The following NLRC5 variants were observed in gnomAD, a reference collection of about 807,000 sequenced individuals.
NLRC5 encodes the protein NLR family CARD domain containing 5.
NLRC5 carries 114 observed loss-of-function variants against 206.9 expected under a neutral mutation model. The ratio of observed to expected loss-of-function variants is 0.55; its 90% CI spans 0.47 to 0.64. The LOEUF (loss-of-function observed/expected upper bound fraction) is 0.64, where lower values mean the gene tolerates loss of function less well. NLRC5 is among the 30% of genes least tolerant of loss of function. NLRC5 has a pLI of 0.00. For synonymous variants in NLRC5, 952 were observed against 962.8 expected, an observed-to-expected ratio of 0.99 and a Z score of 0.21; for missense variants, 2,008 against 2,305.5, an observed-to-expected ratio of 0.87 and a Z score of 2.64.
chr16:57,066,133 T>C (rs1056338317), intron 33 of NLRC5, among the ~76,000 whole-genome samples: 59 of 152,196 alleles, frequency 3.9e-4, no homozygotes, highest in African/African-American at 1.3e-3. Flanking sequence ...TATCAACTTA[T>C]TAACTTTAAA....
At chr16:57,023,629 A>G (rs1311877506) in intron 4 of NLRC5, among the ~76,000 whole-genome samples, 156 bp from the exon 5 acceptor site, 3 of 152,210 alleles carry the variant, frequency 2.0e-5, no homozygotes, top group African/African-American at 7.2e-5. Context: ...GTGTTGACCC[A>G]GCCTCTGCCT....
intron 12 of NLRC5, 131 bp from the exon 13 acceptor site, chr16:57,034,037 C>A: frequency 1.5e-6 from 1 of 672,760 alleles, no homozygotes. Flanking sequence ...GATCACCCAG[C>A]TACTAAGAGG....
chr16:57,072,182 GTC>G (rs2067873116), intron 38 of NLRC5, among the ~76,000 whole-genome samples: 1 of 152,062 alleles, frequency 6.6e-6, no homozygotes, highest in African/African-American at 2.4e-5. Context: ...CTCTTTCTCT[GTC>G]CACCTTGGCT....
At position 57,025,500 on chromosome 16, in the gene NLRC5, C is replaced by T; in HGVS notation, c.557C>T (p.Ala186Val). The T allele has an allele frequency of 6.2e-7, 1 of 1,613,456 alleles. No homozygotes were observed. The highest frequency in any genetic ancestry group is 8.5e-7 in the Non-Finnish European group (1 of 1,179,638). The change falls in exon 6 of 49, where the codon GCA becomes GTA. Residue 186 changes from alanine (A) to valine (V), a missense_variant. Transcript: ENST00000688547. ...CCTCCAATCCTGCGCCGGGCCACAGCATCCTTAGACACTCCGGAGGGGGCC... is the reference window on the plus strand; with the variant it reads ...CCTCCAATCCTGCGCCGGGCCACAGTATCCTTAGACACTCCGGAGGGGGCC... ...YVPPILRRATASLDTPEGAIM... is the reference protein window; with the variant it reads ...YVPPILRRATVSLDTPEGAIM...
intron 1 of NLRC5, among the ~76,000 whole-genome samples, chr16:57,009,196 C>T (rs771323830): frequency 1.5e-4 from 22 of 151,578 alleles, no homozygotes; most frequent in Non-Finnish European, 2.8e-4. Flanking sequence ...GAGGCTGAGG[C>T]GGGAGAATCA....
At chr16:57,028,193 G>A (rs1233815783) in intron 7 of NLRC5, 38 bp downstream of exon 7, 26 of 1,576,592 alleles carry the variant, frequency 1.6e-5, no homozygotes, top group African/African-American at 2.7e-5. Context: ...GTCTTCAGCT[G>A]GGGATGCCTG....
At chr16:56,996,892 C>T (rs1476421646) in intron 1 of NLRC5, among the ~76,000 whole-genome samples, 2 of 152,176 alleles carry the variant, frequency 1.3e-5, no homozygotes, top group Non-Finnish European at 2.9e-5. Flanking sequence ...GTTTTTGAGA[C>T]AGTGTCTCAC....
At chr16:57,017,812 C>T (rs2060242706) in intron 2 of NLRC5, among the ~76,000 whole-genome samples, 1 of 152,188 alleles carries the variant, frequency 6.6e-6, no homozygotes, top group Non-Finnish European at 1.5e-5. Flanking sequence ...AGTGTAATCC[C>T]ACCAAAGGCC....
intron 1 of NLRC5, among the ~76,000 whole-genome samples, chr16:57,009,032 C>T (rs920806512): frequency 1.8e-4 from 27 of 152,322 alleles, no homozygotes; most frequent in African/African-American, 5.8e-4. Flanking sequence ...GTGGCTCACG[C>T]CTGTAATCCC....
chr16:56,994,774 A>C (rs2057399919), intron 1 of NLRC5, among the ~76,000 whole-genome samples: 1 of 152,056 alleles, frequency 6.6e-6, no homozygotes, highest in Non-Finnish European at 1.5e-5. Context: ...AGAGAAGAGG[A>C]GAGGAGGGAG....
At chr16:57,013,597 A>G in intron 1 of NLRC5, 1 of 1,124,026 alleles carries the variant, frequency 8.9e-7, no homozygotes. Context: ...CAACAAGTTG[A>G]TTTTCAAGCA....
rs1310814620 is a variant in NLRC5 at position 57,081,601 on chromosome 16, A to G, written c.5480A>G (p.Gln1827Arg). 6.2e-7 allele frequency: 1 copy of G among 1,613,916 alleles called. No individual in the cohort carries two copies. The highest frequency in any genetic ancestry group is 8.5e-7 in the Non-Finnish European group (1 of 1,179,912). ...AEGLAQGSSI[Q>R]VIRLWNNPIP... ...GGACTGGCCCAGGGGTCTAGCATCC[A>G]AGTCATCCGGTAACAGAGGCCTGCA... is the stretch of plus-strand genomic sequence containing the variant. Residue 1827 changes from glutamine to arginine, a missense_variant, in exon 48 of 49, where the codon CAA becomes CGA. Transcript: ENST00000688547.
chr16:56,990,539 C>A (rs2056690104), intron 1 of NLRC5: 1 of 152,140 alleles, frequency 6.6e-6, no homozygotes, highest in Admixed American at 6.5e-5. Flanking sequence ...GGTGATCATT[C>A]GAGGAGGTCG....
At chr16:57,058,831 G>A in intron 28 of NLRC5, 141 bp from the exon 29 acceptor site, 1 of 752,338 alleles carries the variant, frequency 1.3e-6, no homozygotes, top group Admixed American at 1.9e-5. Flanking sequence ...GGGCCTCAGT[G>A]TGTCCATCTG....
intron 27 of NLRC5, among the ~76,000 whole-genome samples, 163 bp downstream of exon 27, chr16:57,055,682 C>G (rs2065557197): frequency 6.6e-6 from 1 of 152,164 alleles, no homozygotes; most frequent in Non-Finnish European, 1.5e-5. Flanking sequence ...CAAAGCTTCC[C>G]TGAATCAATT....
chr16:57,070,225 C>T (rs1314319544), intron 37 of NLRC5, among the ~76,000 whole-genome samples: 19 of 147,200 alleles, frequency 1.3e-4, no homozygotes, highest in African/African-American at 2.3e-4. Flanking sequence ...AGTCAGGCTA[C>T]GGAGAGGGCT....
At chr16:57,070,414 G>A (rs924494631) in intron 37 of NLRC5, 121 bp from the exon 38 acceptor site, 53 of 795,294 alleles carry the variant, frequency 6.7e-5, no homozygotes, top group Middle Eastern at 6.9e-4. Context: ...GGTGGCCCAG[G>A]GCATGCAGAT....
At chr16:57,022,854 C>T (rs2060827401) in intron 4 of NLRC5, among the ~76,000 whole-genome samples, 2 of 152,252 alleles carry the variant, frequency 1.3e-5, no homozygotes, top group South Asian at 2.1e-4. Flanking sequence ...CTTTACTTAT[C>T]GCTGTGCATG....
intron 33 of NLRC5, among the ~76,000 whole-genome samples, chr16:57,065,786 T>A (rs995219771): frequency 2.6e-5 from 4 of 152,212 alleles, no homozygotes; most frequent in Non-Finnish European, 5.9e-5. Flanking sequence ...TACGGCCCTT[T>A]GCAGGGCTGG....
Sources: gnomAD v4.1 joint callset for allele counts (sites outside exome capture counted in the v4.1 genomes callset) on GRCh38, gnomAD v4.1.1 for gene constraint, MANE v1.5 for transcripts, NCBI Gene and HGNC (gene_info 2026-07-23, HGNC 2026-07-21) for gene names.